Variants in KRT72 observed in about 807,000 individuals in gnomAD.
The protein encoded by KRT72 is keratin 72, also known as keratin, type II cytoskeletal 72.
KRT72 carries 44 observed loss-of-function variants against 44.7 expected under a neutral mutation model. The observed-to-expected ratio is 0.98, with a 90% CI of 0.77 to 1.27. KRT72 has a LOEUF of 1.27. Ranked by LOEUF, KRT72 falls within the 50% of genes most tolerant of loss-of-function variation. The probability of loss-of-function intolerance (pLI) is 0.00; values close to 1 mark genes in which losing one functional copy is unlikely to be tolerated. For missense variants in KRT72, 736 were observed against 667.1 expected, an observed-to-expected ratio of 1.10 and a Z score of -1.14; for synonymous variants, 302 against 280.4, an observed-to-expected ratio of 1.08 and a Z score of -0.77.
Position 52,601,231 on chromosome 12 carries a change from G to A in KRT72, c.222C>T (p.Phe74=), listed in dbSNP as rs781221296. ...CGGCGCTGCCGAAGGCGGTGCCCAC[G>A]AAGCCGCCCAGGCGGCCGCCGCCCC... ...ARRGGGRLGG[F]VGTAFGSAGL... is the part of the protein sequence containing the mutation. The change falls in exon 1 of 9, where the codon TTC becomes TTT. Residue 74 remains phenylalanine (F), a synonymous_variant. Coordinates refer to ENST00000293745, the MANE Select transcript of KRT72 (RefSeq NM_080747.3). 2 of 1,596,784 alleles carry A rather than the reference G, an allele frequency of 1.3e-6. No individual in the cohort carries two copies. The highest frequency in any genetic ancestry group is 1.3e-5 in the African/African-American group (1 of 74,368).
chr12:52,601,196 G>T lies in KRT72; in HGVS notation c.257C>A (p.Pro86His). The change falls in exon 1 of 9, where the codon CCC becomes CAC. Residue 86 changes from proline (P) to histidine (H), a missense_variant. Pro to His is a moderately conservative substitution (Grantham distance 77, BLOSUM62 -2). Coordinates refer to ENST00000293745, the MANE Select transcript of KRT72 (RefSeq NM_080747.3). ...GGGTGGGCACACGGAGGGACACTTG[G>T]GCCCCAGCCCGGCGCTGCCGAAGGC... ...GTAFGSAGLG[P>H]KCPSVCPPGG... 6.2e-7 allele frequency: 1 copy of T among 1,612,166 alleles called. No homozygotes were observed. The highest frequency in any genetic ancestry group is 8.5e-7 in the Non-Finnish European group (1 of 1,179,012).
Position 52,586,105 on chromosome 12 carries a change from G to A in KRT72, c.1413C>T (p.Ser471=). 1.2e-6 allele frequency: 2 copies of A among 1,614,138 alleles called. No individual in the cohort carries two copies. The highest frequency in any genetic ancestry group is 1.1e-5 in the South Asian group (1 of 91,078). ...CAGCTGCAGTTTTGTAGCTATAACTGCTTGAGGCGCCAAAGCCCATGCTGA... is the reference window on the plus strand; with the variant it reads ...CAGCTGCAGTTTTGTAGCTATAACTACTTGAGGCGCCAAAGCCCATGCTGA... ...AGFSMGFGAS[S]SYSYKTAAAD... Residue 471 remains serine (S), a synonymous_variant, in exon 9 of 9, where the codon AGC becomes AGT. Transcript: ENST00000293745.
At chr12:52,600,811 C>CCAGG (rs1940411422) in intron 1 of KRT72, among the ~76,000 whole-genome samples, 1 of 152,098 alleles carries the variant, frequency 6.6e-6, no homozygotes, top group Admixed American at 6.5e-5. Context: ...GAAGTATGTG[C>CCAGG]CAGGCACTGT....
At chr12:52,586,711 A>G (rs1455207771) in intron 8 of KRT72, among the ~76,000 whole-genome samples, 6 of 152,168 alleles carry the variant, frequency 3.9e-5, no homozygotes, top group African/African-American at 1.4e-4. Flanking sequence ...CAATCGTTGG[A>G]TGATACACTC....
chr12:52,586,502 C>T (rs563181013), intron 8 of KRT72, among the ~76,000 whole-genome samples: 1 of 152,312 alleles, frequency 6.6e-6, no homozygotes, highest in Admixed American at 6.5e-5. Context: ...CCACTGAGGG[C>T]CCTGTCTCTC....
upstream of KRT72, among the ~76,000 whole-genome samples, chr12:52,602,024 C>A (rs1241085759): frequency 7.9e-5 from 12 of 152,176 alleles, no homozygotes; most frequent in Non-Finnish European, 1.5e-4. Flanking sequence ...GAGATTTTGG[C>A]CCCGTCTGCA....
At chr12:52,601,522 C>G, upstream of KRT72, 1 of 1,465,096 alleles carries the variant, frequency 6.8e-7, no homozygotes, top group Non-Finnish European at 9.1e-7. Flanking sequence ...GTTCTCGGCC[C>G]AGCTCGCCCC....
At chr12:52,591,047 G>T (rs1939995356) in intron 5 of KRT72, 86 bp from the exon 6 acceptor site, 1 of 1,307,452 alleles carries the variant, frequency 7.6e-7, no homozygotes, top group Admixed American at 2.4e-5. Context: ...AAAGGATCCT[G>T]CCCTAGTTCA....
chr12:52,601,498 C>T, upstream of KRT72: 2 of 1,522,574 alleles, frequency 1.3e-6, no homozygotes, highest in Non-Finnish European at 1.8e-6. Flanking sequence ...AGAAGGGGCG[C>T]AAACAGCCGC....
chr12:52,592,442 T>C lies in KRT72; in HGVS notation c.752A>G (p.Asp251Gly). ...MNKVELQAKV[D>G]SLTDEIKFFK... ...GAATTTAATCTCATCTGTCAAGGAG[T>C]CCACCTTGGCCTGGAGCTCAACCTT... The change falls in exon 4 of 9, where the codon GAC becomes GGC. Residue 251 changes from aspartate (D) to glycine (G), a missense_variant. Physicochemically the swap from Asp to Gly is moderately conservative, Grantham distance 94. Coordinates refer to ENST00000293745, the MANE Select transcript of KRT72 (RefSeq NM_080747.3). 1 of 1,614,036 alleles carries C rather than the reference T, an allele frequency of 6.2e-7. No homozygotes were observed. Among genetic ancestry groups the C allele is most frequent in the Non-Finnish European group, 8.5e-7 (1 of 1,179,986 alleles).
chr12:52,590,923 A>G lies in KRT72; in HGVS notation c.1002T>C (p.Asp334=). The part of the protein sequence containing the change: ...ELQVTAGQHG[D]DLKLTKAEIS... Reference sequence around the variant, plus strand: ...TTTCAGCCTTGGTGAGCTTGAGGTCATCCCCATGCTGGCCTGCTGTGACCT... The same window carrying G: ...TTTCAGCCTTGGTGAGCTTGAGGTCGTCCCCATGCTGGCCTGCTGTGACCT... Residue 334 remains aspartate (D), a synonymous_variant, in exon 6 of 9, where the codon GAT becomes GAC. Coordinates refer to ENST00000293745, the MANE Select transcript of KRT72 (RefSeq NM_080747.3). 4 of 1,606,994 alleles carry G rather than the reference A, an allele frequency of 2.5e-6. No homozygotes were observed. Among genetic ancestry groups the G allele is most frequent in the Non-Finnish European group, 3.4e-6 (4 of 1,174,984 alleles).
intron 2 of KRT72, among the ~76,000 whole-genome samples, chr12:52,594,755 T>A (rs1000713326): frequency 6.6e-5 from 10 of 151,294 alleles, no homozygotes; most frequent in South Asian, 2.1e-4. Context: ...TATAATAATT[T>A]AAAAAAAAAG....
At chr12:52,591,773 C>A (rs576169915) in intron 4 of KRT72, 145 bp from the exon 5 acceptor site, 9 of 758,908 alleles carry the variant, frequency 1.2e-5, no homozygotes, top group Admixed American at 5.6e-5. Flanking sequence ...CTGGCAGGCA[C>A]GTGAAGAAGT....
rs746336004 is a variant in KRT72, at chr12:52,585,935, C to T, written c.*47G>A. 26 of 1,533,792 alleles carry T rather than the reference C, an allele frequency of 1.7e-5. No homozygotes were observed. Among genetic ancestry groups the T allele is most frequent in the Middle Eastern group, 2.2e-4 (1 of 4,602 alleles). On this transcript the variant is annotated 3_prime_UTR_variant, in exon 9 of 9. Coordinates refer to ENST00000293745, the MANE Select transcript of KRT72 (RefSeq NM_080747.3). ...AGCCCAGGGAAGGAGAGGGAGGAGA[C>T]GGGTGAGTTGGGAAGCCTTCTGCTC...
chr12:52,587,190 A>G (rs928698455), intron 7 of KRT72, among the ~76,000 whole-genome samples: 1 of 152,022 alleles, frequency 6.6e-6, no homozygotes, highest in Non-Finnish European at 1.5e-5. Flanking sequence ...CCCTCCATCA[A>G]GACCCTTTAG....
rs756018612 is a variant in KRT72, at chr12:52,601,106, G to A, written c.347C>T (p.Pro116Leu). 2.2e-5 allele frequency: 35 copies of A among 1,612,634 alleles called. No individual in the cohort carries two copies. The highest frequency in any genetic ancestry group is 1.6e-4 in the Middle Eastern group (1 of 6,070). ...CTGGGCGCGCACCCTCTGGATCTCG[G>A]GGTCCATCTCCACGTTGAGCGGGGC... ...LLAPLNVEMD[P>L]EIQRVRAQER... Residue 116 changes from proline (P) to leucine (L), a missense_variant, in exon 1 of 9, where the codon CCC becomes CTC. Transcript: ENST00000293745.
upstream of KRT72, chr12:52,601,667 A>C: frequency 1.7e-6 from 1 of 574,918 alleles, no homozygotes; most frequent in African/African-American, 2.0e-5. Context: ...TCCACCGTGA[A>C]CTCCCCATGA....
At chr12:52,588,990 A>T in intron 6 of KRT72, among the ~76,000 whole-genome samples, 1 of 103,478 alleles carries the variant, frequency 9.7e-6, no homozygotes, top group East Asian at 2.6e-4. Context: ...ACAGAGGGAG[A>T]ATCCATCTCA....
chr12:52,591,060 A>C, intron 5 of KRT72, 99 bp from the exon 6 acceptor site: 2 of 1,203,946 alleles, frequency 1.7e-6, no homozygotes, highest in Non-Finnish European at 2.2e-6. Flanking sequence ...CTAGTTCAAC[A>C]AGATCCTCAG....
Sources: allele counts gnomAD v4.1 joint callset (sites outside exome capture counted in the v4.1 genomes callset), GRCh38; gene constraint gnomAD v4.1.1; transcripts MANE v1.5; gene names NCBI Gene and HGNC (gene_info 2026-07-23, HGNC 2026-07-21).